Variants in CD109 observed in about 807,000 individuals in gnomAD.
The protein encoded by CD109 is CD109 molecule.
Under a neutral mutation model 165.8 loss-of-function variants are expected in CD109, and 149 were observed. That is an observed-to-expected ratio of 0.90 (90% CI 0.79 to 1.03). CD109 has a LOEUF of 1.03. CD109 is among the 50% of genes least tolerant of loss of function. The pLI, the probability that CD109 is intolerant of heterozygous loss-of-function variation, is 0.00. For synonymous variants in CD109, 585 were observed against 592.1 expected (o/e 0.99, Z 0.18); for missense variants, 1,712 against 1,677.8 (o/e 1.02, Z -0.36).
intron 3 of CD109, 64 bp downstream of exon 3, chr6:73,723,343 A>C (rs996103742): frequency 8.1e-7 from 1 of 1,231,484 alleles, no homozygotes; most frequent in African/African-American, 1.5e-5. Flanking sequence ...AAATAAATTA[A>C]TATTTTATTG....
At position 73,823,850 on chromosome 6, in the gene CD109, G is replaced by T; in HGVS notation, c.*217G>T. The T allele has an allele frequency of 1.8e-5, 7 of 393,136 alleles. No individual in the cohort carries two copies. Among genetic ancestry groups the T allele is most frequent in the Non-Finnish European group, 2.7e-5 (6 of 220,596 alleles). The allele number at this position is 393,136 out of a possible 1,614,324, so 24.4% of individuals were successfully genotyped here. A position where few individuals can be genotyped will look rare whatever the true frequency, so the allele number is the denominator to read the frequency against. ...AAGATCAGAATGAATGCAGTTGTGTGTCTATATTTTCCCCTCTCAAAATCT... is the reference window on the plus strand; with the variant it reads ...AAGATCAGAATGAATGCAGTTGTGTTTCTATATTTTCCCCTCTCAAAATCT... On this transcript the variant is annotated 3_prime_UTR_variant, in exon 33 of 33. Transcript: ENST00000287097.
At chr6:73,744,883 C>T (rs1466642626) in intron 5 of CD109, among the ~76,000 whole-genome samples, 1 of 152,110 alleles carries the variant, frequency 6.6e-6, no homozygotes, top group East Asian at 1.9e-4. Flanking sequence ...GAGTATGTAG[C>T]ATCATCAGTA....
chr6:73,762,718 T>C, intron 8 of CD109, 23 bp from the exon 9 acceptor site: 2 of 1,568,768 alleles, frequency 1.3e-6, no homozygotes, highest in Non-Finnish European at 1.7e-6. Context: ...TGGTAAATAA[T>C]ACTGAACTTT....
intron 32 of CD109, among the ~76,000 whole-genome samples, chr6:73,822,342 A>G (rs948862584): frequency 2.0e-5 from 3 of 152,250 alleles, no homozygotes; most frequent in African/African-American, 7.2e-5. Context: ...TACACTTTAA[A>G]TGAGATGAAC....
At chr6:73,683,742 C>T in the CD109 span, among the ~76,000 whole-genome samples, 1 of 152,186 alleles carries the variant, frequency 6.6e-6, no homozygotes, top group Non-Finnish European at 1.5e-5. Flanking sequence ...GGGGAAGCCT[C>T]ATAATCATGG....
chr6:73,806,911 T>TCA lies in CD109; in HGVS notation c.3028_3029insCA (p.Leu1010SerfsTer25). On this transcript the variant is annotated frameshift_variant, in exon 25 of 33. Transcript: ENST00000287097. LOFTEE classifies it high-confidence loss of function. ...TTACATAGATATTGATCAGAATGTGTTACACAGAACATACACTTGGCTTAA... is the reference window on the plus strand; with the variant it reads ...TTACATAGATATTGATCAGAATGTGTCATACACAGAACATACACTTGGCTTAA... 6.2e-7 allele frequency: 1 copy of TCA among 1,613,972 alleles called. No homozygotes were observed. The highest frequency in any genetic ancestry group is 8.5e-7 in the Non-Finnish European group (1 of 1,179,958).
intron 6 of CD109, 78 bp from the exon 7 acceptor site, chr6:73,758,866 G>A (rs1477202586): frequency 2.7e-6 from 2 of 748,480 alleles, no homozygotes; most frequent in Non-Finnish European, 4.7e-6. Flanking sequence ...TGATAGTGAA[G>A]TAGATTCTTT....
upstream of CD109, chr6:73,693,906 A>C (rs1770738861): frequency 6.9e-6 from 1 of 145,466 alleles, no homozygotes; most frequent in Non-Finnish European, 1.5e-5. Flanking sequence ...TTTTTTTGAG[A>C]CGGAGTTTTG....
At chr6:73,690,008 G>A in the CD109 span, among the ~76,000 whole-genome samples, 1 of 152,238 alleles carries the variant, frequency 6.6e-6, no homozygotes, top group East Asian at 1.9e-4. Context: ...TCACTGCAAA[G>A]CCAACTAATG....
intron 20 of CD109, 32 bp from the exon 21 acceptor site, chr6:73,787,202 T>C: frequency 7.0e-7 from 1 of 1,438,172 alleles, no homozygotes; most frequent in Non-Finnish European, 9.7e-7. Context: ...GCATCTATTA[T>C]ACAAAAGCTT....
intron 7 of CD109, among the ~76,000 whole-genome samples, chr6:73,761,154 G>C (rs913481148): frequency 6.6e-6 from 1 of 151,978 alleles, no homozygotes; most frequent in Admixed American, 6.6e-5. Flanking sequence ...ATTTTTGACA[G>C]CCATGAGCAC....
At chr6:73,792,945 T>A in intron 23 of CD109, 143 bp downstream of exon 23, 1 of 613,136 alleles carries the variant, frequency 1.6e-6, no homozygotes, top group Non-Finnish European at 2.8e-6. Flanking sequence ...GTGCAGGAAG[T>A]GCAAACAATG....
chr6:73,818,098 G>A (rs1010687139), intron 30 of CD109, among the ~76,000 whole-genome samples: 3 of 152,130 alleles, frequency 2.0e-5, no homozygotes, highest in African/African-American at 7.2e-5. Context: ...GATGTATATT[G>A]TACTGTCACA....
intron 15 of CD109, among the ~76,000 whole-genome samples, chr6:73,774,957 A>T (rs73755032): frequency 0.029 from 4,227 of 144,548 alleles, 200 homozygotes; most frequent in African/African-American, 0.099. Context: ...TTTTTTTGTT[A>T]AATTTATATG....
chr6:73,758,838 AT>A, intron 6 of CD109, 105 bp from the exon 7 acceptor site: 1 of 684,012 alleles, frequency 1.5e-6, no homozygotes, highest in Admixed American at 2.7e-5. Flanking sequence ...TTTATTTTTC[AT>A]TTTATTCAGT....
intron 7 of CD109, among the ~76,000 whole-genome samples, chr6:73,761,471 A>G (rs1430755903): frequency 6.6e-6 from 1 of 152,200 alleles, no homozygotes; most frequent in African/African-American, 2.4e-5. Flanking sequence ...ACTATAGTTA[A>G]AAGTCTTCCC....
the CD109 span, among the ~76,000 whole-genome samples, chr6:73,683,587 T>C: frequency 1.3e-5 from 2 of 152,342 alleles, no homozygotes; most frequent in Non-Finnish European, 2.9e-5. Flanking sequence ...CACTTCAACA[T>C]TTTTGGGTAC....
At chr6:73,742,262 G>T (rs540330827) in intron 5 of CD109, among the ~76,000 whole-genome samples, 1 of 150,254 alleles carries the variant, frequency 6.7e-6, no homozygotes, top group Admixed American at 6.7e-5. Context: ...AATCATACAG[G>T]ATCTCTTTTT....
intron 31 of CD109, 120 bp downstream of exon 31, chr6:73,818,655 A>G: frequency 3.4e-6 from 3 of 887,358 alleles, no homozygotes; most frequent in Non-Finnish European, 3.4e-6. Context: ...TGTGTCCCTG[A>G]ATGAGTTTAA....
Sources: gnomAD v4.1 joint callset for allele counts (sites outside exome capture counted in the v4.1 genomes callset) on GRCh38, gnomAD v4.1.1 for gene constraint, MANE v1.5 for transcripts, NCBI Gene and HGNC (gene_info 2026-07-23, HGNC 2026-07-21) for gene names.